RNF144B: variants seen among roughly 807,000 people sequenced by gnomAD.
The protein encoded by RNF144B is E3 ubiquitin-protein ligase RNF144B.
Under a neutral mutation model 40.2 loss-of-function variants are expected in RNF144B, and 25 were observed. The ratio of observed to expected loss-of-function variants is 0.62; its 90% CI spans 0.45 to 0.87. The LOEUF is 0.87. Among genes scored for constraint, RNF144B ranks in the 40% least tolerant of loss-of-function variants. The probability of loss-of-function intolerance (pLI) is 0.00; values close to 1 mark genes in which losing one functional copy is unlikely to be tolerated. For synonymous variants in RNF144B, 145 were observed against 136.3 expected, an observed-to-expected ratio of 1.06 and a Z score of -0.44; for missense variants, 365 against 373.7, an observed-to-expected ratio of 0.98 and a Z score of 0.19.
chr6:18,394,414 A>G (rs925981527), intron 1 of RNF144B, among the ~76,000 whole-genome samples: 3 of 152,160 alleles, frequency 2.0e-5, no homozygotes, highest in African/African-American at 4.8e-5. Flanking sequence ...CCTGGTCAAT[A>G]TGGTGAAACC....
Position 18,456,766 on chromosome 6 carries a change from A to T in RNF144B, c.332-389A>T, listed in dbSNP as rs897148802. Among the ~76,000 whole-genome samples, 2 of 152,200 alleles carry T rather than the reference A, an allele frequency of 1.3e-5. No individual in the cohort carries two copies. The highest frequency in any genetic ancestry group is 4.8e-5 in the African/African-American group (2 of 41,464). The stretch of plus-strand genomic sequence containing the variant: ...TACTTCCATAAATGTCAGTTTAAAA[A>T]AGAGGGTAAATGGGGCAGGTGTGGT... On this transcript the variant is annotated intron_variant, in intron 4 of 7. Transcript: ENST00000259939. The surrounding 1 kb of genome is among the most constrained non-coding windows in gnomAD (Gnocchi z 4.7).
In RNF144B at chr6:18,414,144, G is replaced by C. The variant is rs1356590333; in HGVS notation, c.166-13437G>C. 1.3e-5 allele frequency among the ~76,000 whole-genome samples: 2 copies of C among 152,100 alleles called. No individual in the cohort carries two copies. The highest frequency in any genetic ancestry group is 2.9e-5 in the Non-Finnish European group (2 of 68,036). ...ATTAGAAAGATGCTGATTTTGCTGT[G>C]GAGTCATTGAATATCATTATTTCAA... is the stretch of plus-strand genomic sequence containing the variant. On this transcript the variant is annotated intron_variant, in intron 2 of 7. Coordinates refer to ENST00000259939, the MANE Select transcript of RNF144B (RefSeq NM_182757.4). The surrounding 1 kb of genome is among the most constrained non-coding windows in gnomAD (Gnocchi z 4.9).
intron 3 of RNF144B, among the ~76,000 whole-genome samples, chr6:18,438,779 T>C (rs1384624509): frequency 6.6e-6 from 1 of 152,182 alleles, no homozygotes; most frequent in Non-Finnish European, 1.5e-5. Context: ...TTGTCAGGGC[T>C]AAAACTCTGT....
chr6:18,463,488 C>A, intron 7 of RNF144B, 108 bp downstream of exon 7: 1 of 707,774 alleles, frequency 1.4e-6, no homozygotes, highest in South Asian at 1.6e-5. Flanking sequence ...ACCATCCCAG[C>A]CTGGGAGCTT....
intron 4 of RNF144B, among the ~76,000 whole-genome samples, chr6:18,452,549 C>G (rs892989825): frequency 6.6e-6 from 1 of 152,052 alleles, no homozygotes; most frequent in Non-Finnish European, 1.5e-5. Context: ...TAGGGGACAG[C>G]TTAGTTCCAG....
In RNF144B at chr6:18,425,885, A is replaced by C. The variant is rs950327290; in HGVS notation, c.166-1696A>C. Among the ~76,000 whole-genome samples the C allele has an allele frequency of 5.3e-5, 8 of 152,218 alleles. No homozygotes were observed. The highest frequency in any genetic ancestry group is 1.7e-4 in the African/African-American group (7 of 41,462). On this transcript the variant is annotated intron_variant, in intron 2 of 7. Coordinates refer to ENST00000259939, the MANE Select transcript of RNF144B (RefSeq NM_182757.4). The surrounding 1 kb of genome is among the most constrained non-coding windows in gnomAD (Gnocchi z 4.2). Reference sequence around the variant, plus strand: ...TTTTTGCTGTGATGAATATTATAGAAAAAATTAACTCCTTGGAGAAAAAAA... The same window carrying C: ...TTTTTGCTGTGATGAATATTATAGACAAAATTAACTCCTTGGAGAAAAAAA...
chr6:18,424,769 G>A (rs752608241), intron 2 of RNF144B, among the ~76,000 whole-genome samples: 11 of 91,912 alleles, frequency 1.2e-4, no homozygotes, highest in Non-Finnish European at 2.1e-4. Context: ...TTATTCTGTA[G>A]ACCCAAATAT....
In RNF144B at chr6:18,464,888, A is replaced by G; in HGVS notation, c.772-39A>G. 7 of 1,606,690 alleles carry G rather than the reference A, an allele frequency of 4.4e-6. No individual in the cohort carries two copies. Among genetic ancestry groups the G allele is most frequent in the Non-Finnish European group, 6.0e-6 (7 of 1,173,860 alleles). On this transcript the variant is annotated intron_variant, in intron 7 of 7. Transcript: ENST00000259939. The surrounding 1 kb of genome is among the most constrained non-coding windows in gnomAD (Gnocchi z 6.1). ...TTGGAATAAGTATACATATTGAAAG[A>G]CTTAATTGCTGAAATATGCTTTTCT...
At position 18,460,581 on chromosome 6, in the gene RNF144B, C is replaced by T. The variant is rs567728256; in HGVS notation, c.681+830C>T. ...AAAATGGTTCAAATCAATGGTGTCT[C>T]CTAACTCTCTTCTCTCCCTCATGCT... On this transcript the variant is annotated intron_variant, in intron 6 of 7. Coordinates refer to ENST00000259939, the MANE Select transcript of RNF144B (RefSeq NM_182757.4). The surrounding 1 kb of genome is among the most constrained non-coding windows in gnomAD (Gnocchi z 4.4). Among the ~76,000 whole-genome samples the T allele has an allele frequency of 3.3e-5, 5 of 152,212 alleles. No homozygotes were observed. The highest frequency in any genetic ancestry group is 1.2e-4 in the African/African-American group (5 of 41,514).
At chr6:18,463,402 C>T (rs9371061) in intron 7 of RNF144B, 22 bp downstream of exon 7, 329,618 of 1,490,450 alleles carry the variant, frequency 0.22, 37,649 homozygotes, top group African/African-American at 0.34. Context: ...TTATAGGGAG[C>T]GTGACATAAA....
rs765398332 is a variant in RNF144B at position 18,448,716 on chromosome 6, A to ACACACACACC, written c.332-8438_332-8437insACACACACCC. On this transcript the variant is annotated intron_variant, in intron 4 of 7. Coordinates refer to ENST00000259939, the MANE Select transcript of RNF144B (RefSeq NM_182757.4). The surrounding 1 kb of genome is among the most constrained non-coding windows in gnomAD (Gnocchi z 4.0). ...CACACACACACACACACACACACAC[A>ACACACACACC]CCCCACCCCCAAGATAGAACCAGCA... is the stretch of plus-strand genomic sequence containing the variant. 6.8e-4 allele frequency among the ~76,000 whole-genome samples: 100 copies of ACACACACACC among 147,754 alleles called. No individual in the cohort carries two copies. The highest frequency in any genetic ancestry group is 3.4e-3 in the Middle Eastern group (1 of 292).
At position 18,412,221 on chromosome 6, in the gene RNF144B, T is replaced by G. The variant is rs765817387; in HGVS notation, c.165+12522T>G. Among the ~76,000 whole-genome samples the G allele has an allele frequency of 3.7e-4, 57 of 152,110 alleles. 1 individual carries two copies. Among genetic ancestry groups the G allele is most frequent in the Non-Finnish European group, 7.4e-4 (50 of 67,994 alleles). ...CAGCTTGGCAACTCCACCAACAGAGTAGGAACAGAGGCCTCTCTTTTGACA... is the reference window on the plus strand; with the variant it reads ...CAGCTTGGCAACTCCACCAACAGAGGAGGAACAGAGGCCTCTCTTTTGACA... On this transcript the variant is annotated intron_variant, in intron 2 of 7. Transcript: ENST00000259939. This position sits in a 1 kb window ranked among gnomAD's most constrained non-coding sequence, Gnocchi z 4.2.
chr6:18,397,116 G>T (rs1371239468), intron 1 of RNF144B, among the ~76,000 whole-genome samples: 1 of 152,212 alleles, frequency 6.6e-6, no homozygotes, highest in Non-Finnish European at 1.5e-5. Flanking sequence ...GAATGCTTCA[G>T]GTTGCTCGAG....
Position 18,406,457 on chromosome 6 carries a change from AGTGTGTGTGTGTGT to A in RNF144B, c.165+6789_165+6802del, listed in dbSNP as rs58124564. ...CAAAGGAGGCTGGTGTGGCTGGAAA[AGTGTGTGTGTGTGT>A]GTGTGTGTGTGTGTGTGTGTGTGTG... On this transcript the variant is annotated intron_variant, in intron 2 of 7. Coordinates refer to ENST00000259939, the MANE Select transcript of RNF144B (RefSeq NM_182757.4). This position sits in a 1 kb window ranked among gnomAD's most constrained non-coding sequence, Gnocchi z 4.2. 3.1e-3 allele frequency among the ~76,000 whole-genome samples: 400 copies of A among 131,014 alleles called. 1 individual carries two copies. The highest frequency in any genetic ancestry group is 3.2e-3 in the Non-Finnish European group (196 of 61,842). 86.0% of individuals were successfully genotyped at this position (131,014 alleles called of 152,430 possible).
chr6:18,415,689 G>A (rs1051169911), intron 2 of RNF144B, among the ~76,000 whole-genome samples: 3 of 152,104 alleles, frequency 2.0e-5, no homozygotes, highest in Non-Finnish European at 4.4e-5. Context: ...TTTGCATGGT[G>A]TAGTTTAATA....
At chr6:18,439,784 T>G in intron 4 of RNF144B, 40 bp downstream of exon 4, 2 of 1,378,944 alleles carry the variant, frequency 1.5e-6, no homozygotes, top group Non-Finnish European at 2.1e-6. Context: ...GAATGTGGTT[T>G]TACATGTGTC....
At position 18,395,513 on chromosome 6, in the gene RNF144B, T is replaced by C. The variant is rs1350864625; in HGVS notation, c.-36-3986T>C. 6.6e-6 allele frequency among the ~76,000 whole-genome samples: 1 copy of C among 152,150 alleles called. No homozygotes were observed. The highest frequency in any genetic ancestry group is 1.5e-5 in the Non-Finnish European group (1 of 68,032). ...TCATTAGAGGCTTTCAGGATTCTCCTGTTTACTGATTGAAGAGCTCATTTT... is the reference window on the plus strand; with the variant it reads ...TCATTAGAGGCTTTCAGGATTCTCCCGTTTACTGATTGAAGAGCTCATTTT... On this transcript the variant is annotated intron_variant, in intron 1 of 7. Coordinates refer to ENST00000259939, the MANE Select transcript of RNF144B (RefSeq NM_182757.4). This position sits in a 1 kb window ranked among gnomAD's most constrained non-coding sequence, Gnocchi z 4.5.
intron 4 of RNF144B, among the ~76,000 whole-genome samples, chr6:18,440,621 A>AT (rs575885137): frequency 4.1e-4 from 62 of 151,950 alleles, no homozygotes; most frequent in Non-Finnish European, 7.6e-4. Context: ...ATCTCATTTA[A>AT]TTTTTACAAC....
chr6:18,403,396 G>A (rs183971254), intron 2 of RNF144B, among the ~76,000 whole-genome samples: 78 of 152,258 alleles, frequency 5.1e-4, no homozygotes, highest in African/African-American at 1.7e-3. Flanking sequence ...GAAAAGAGTC[G>A]GTATGTTGGG....
Sources: gnomAD v4.1 joint callset for allele counts (sites outside exome capture counted in the v4.1 genomes callset) on GRCh38, gnomAD v4.1.1 for gene constraint, Gnocchi (gnomAD v3.1) non-coding constraint, MANE v1.5 for transcripts, NCBI Gene and HGNC (gene_info 2026-07-23, HGNC 2026-07-21) for gene names.